The following RBPMS2 variants were observed in gnomAD, a reference collection of about 807,000 sequenced individuals.
RBPMS2 encodes the protein RNA binding protein, mRNA processing factor 2.
Under a neutral mutation model 25.7 loss-of-function variants are expected in RBPMS2, and 14 were observed. That is an observed-to-expected ratio of 0.55 (90% CI 0.36 to 0.85). The LOEUF is 0.85. Among genes scored for constraint, RBPMS2 ranks in the 40% least tolerant of loss-of-function variants. RBPMS2 has a pLI of 0.01. For synonymous variants in RBPMS2, 127 were observed against 115.6 expected (o/e 1.10, Z -0.63); for missense variants, 252 against 283.4 (o/e 0.89, Z 0.80).
Position 64,749,270 on chromosome 15 carries a change from T to G in RBPMS2, c.268-120A>C. 2.2e-6 allele frequency: 3 copies of G among 1,379,496 alleles called. No individual in the cohort carries two copies. In the South Asian group the frequency reaches 3.5e-5, roughly 16 times the overall value. The allele number at this position is 1,379,496 out of a possible 1,614,324, so 85.5% of individuals were successfully genotyped here. A position where few individuals can be genotyped will look rare whatever the true frequency, so the allele number is the denominator to read the frequency against. On this transcript the variant is annotated intron_variant, in intron 4 of 7. Transcript: ENST00000300069. ...CTCGAAGACCTGCCCACACGGTGGC[T>G]GAGGCAGAGGAAAGGCAGCTCAGGC...
chr15:64,744,798 GTTTT>G lies in RBPMS2; in HGVS notation c.568-3560_568-3557del, dbSNP rs748967917. On this transcript the variant is annotated intron_variant, in intron 6 of 7. Transcript: ENST00000300069. Reference sequence around the variant, plus strand: ...TATTTAAGTTTTTTTGGTTTGTTTTGTTTTTTTTTTTTTTTTTTTTTTTTTTTTT... The same window carrying G: ...TATTTAAGTTTTTTTGGTTTGTTTTGTTTTTTTTTTTTTTTTTTTTTTTTT... 1.9e-4 allele frequency among the ~76,000 whole-genome samples: 9 copies of G among 46,298 alleles called. No individual in the cohort carries two copies. In the South Asian group the frequency reaches 6.6e-3, roughly 34 times the overall value. 30.4% of individuals were successfully genotyped at this position (46,298 alleles called of 152,430 possible).
chr15:64,773,760 CA>C (rs1191937130), intron 1 of RBPMS2, among the ~76,000 whole-genome samples: 1 of 151,924 alleles, frequency 6.6e-6, no homozygotes, highest in Non-Finnish European at 1.5e-5. Context: ...AGTTTCAGCC[CA>C]CAGCAGGGGG....
intron 6 of RBPMS2, among the ~76,000 whole-genome samples, chr15:64,741,600 T>A (rs2083562944): frequency 6.6e-6 from 1 of 152,208 alleles, no homozygotes; most frequent in Non-Finnish European, 1.5e-5. Flanking sequence ...ACGGAATTCC[T>A]AATTCTGTGG....
chr15:64,775,333 G>C lies in RBPMS2; in HGVS notation c.-14C>G. On this transcript the variant is annotated 5_prime_UTR_variant, in exon 1 of 8. Transcript: ENST00000300069. ...CAGGTTGCTCATGGTGCGGGGGAGGGGGCGGCGGGAAGGAACGCGAGGGCG... is the reference window on the plus strand; with the variant it reads ...CAGGTTGCTCATGGTGCGGGGGAGGCGGCGGCGGGAAGGAACGCGAGGGCG... The C allele has an allele frequency of 7.9e-7, 1 of 1,273,690 alleles. No individual in the cohort carries two copies. The highest frequency in any genetic ancestry group is 1.0e-6 in the Non-Finnish European group (1 of 1,004,414). The allele number at this position is 1,273,690 out of a possible 1,614,324, so 78.9% of individuals were successfully genotyped here. A position where few individuals can be genotyped will look rare whatever the true frequency, so the allele number is the denominator to read the frequency against.
Position 64,740,903 on chromosome 15 carries a change from C to T in RBPMS2, c.*105G>A, listed in dbSNP as rs1214425890. On this transcript the variant is annotated 3_prime_UTR_variant, in exon 8 of 8. Coordinates refer to ENST00000300069, the MANE Select transcript of RBPMS2 (RefSeq NM_194272.3). ...CTTGGGATTCACAGTCTCTGGAGGGCAGCAGCTCTGTGCAGGCCGCCCGGG... is the reference window on the plus strand; with the variant it reads ...CTTGGGATTCACAGTCTCTGGAGGGTAGCAGCTCTGTGCAGGCCGCCCGGG... 1.6e-5 allele frequency: 6 copies of T among 376,458 alleles called. No homozygotes were observed. In the Admixed American group the frequency reaches 2.6e-4, roughly 16 times the overall value. The allele number at this position is 376,458 out of a possible 1,614,324, so 23.3% of individuals were successfully genotyped here. A position where few individuals can be genotyped will look rare whatever the true frequency, so the allele number is the denominator to read the frequency against.
chr15:64,741,590 A>G (rs1323697960), intron 6 of RBPMS2, among the ~76,000 whole-genome samples: 1 of 152,226 alleles, frequency 6.6e-6, no homozygotes, highest in Non-Finnish European at 1.5e-5. Flanking sequence ...CTGACACAGC[A>G]CGGAATTCCT....
At chr15:64,746,695 C>A (rs950113847) in intron 6 of RBPMS2, among the ~76,000 whole-genome samples, 2 of 152,218 alleles carry the variant, frequency 1.3e-5, no homozygotes, top group Non-Finnish European at 2.9e-5. Context: ...GGTGCCCTCT[C>A]TGATTCATTT....
chr15:64,748,306 A>G, intron 6 of RBPMS2, 113 bp downstream of exon 6: 2 of 1,155,780 alleles, frequency 1.7e-6, no homozygotes, highest in Non-Finnish European at 2.4e-6. Context: ...ATCAAGGAAG[A>G]CAAGAGTTCT....
intron 6 of RBPMS2, among the ~76,000 whole-genome samples, chr15:64,744,579 A>C (rs1198586333): frequency 1.0e-5 from 1 of 97,268 alleles, no homozygotes; most frequent in Admixed American, 1.3e-4. Flanking sequence ...AAAAAGAAAG[A>C]AAGAAAACAA....
At chr15:64,772,458 C>T (rs72744751) in intron 1 of RBPMS2, among the ~76,000 whole-genome samples, 9,813 of 151,934 alleles carry the variant, frequency 0.065, 333 homozygotes, top group South Asian at 0.088. Flanking sequence ...ATCAAAGCTT[C>T]GAACACATCT....
rs539768350 is a variant in RBPMS2, at chr15:64,747,751, A to C, written c.567+668T>G. 8.5e-5 allele frequency among the ~76,000 whole-genome samples: 13 copies of C among 152,290 alleles called. 1 individual carries two copies. Among genetic ancestry groups the C allele is most frequent in the African/African-American group, 3.1e-4 (13 of 41,572 alleles). On this transcript the variant is annotated intron_variant, in intron 6 of 7. Transcript: ENST00000300069. ...CTCCCTGCCTGCCCATTGGGCACCC[A>C]GCCCAGCACCCCACACAGAGCCTTC...
At chr15:64,767,643 G>A (rs940833475) in intron 1 of RBPMS2, among the ~76,000 whole-genome samples, 4 of 152,168 alleles carry the variant, frequency 2.6e-5, no homozygotes, top group Non-Finnish European at 5.9e-5. Flanking sequence ...GACATGGGGA[G>A]GAGGAAGCCA....
intron 6 of RBPMS2, among the ~76,000 whole-genome samples, chr15:64,742,583 A>T (rs1183343557): frequency 6.6e-6 from 1 of 152,194 alleles, no homozygotes; most frequent in Non-Finnish European, 1.5e-5. Flanking sequence ...CCAGTTATGC[A>T]CGGTGAAGCA....
intron 2 of RBPMS2, among the ~76,000 whole-genome samples, chr15:64,750,674 T>C (rs1661920187): frequency 6.6e-6 from 1 of 152,174 alleles, no homozygotes; most frequent in African/African-American, 2.4e-5. Context: ...ACCTTTTAAG[T>C]TTTCTCATCT....
intron 1 of RBPMS2, among the ~76,000 whole-genome samples, chr15:64,773,528 T>C (rs2083906590): frequency 6.6e-6 from 1 of 152,218 alleles, no homozygotes; most frequent in South Asian, 2.1e-4. Context: ...CTGCCCTCTT[T>C]CCCAGAAAAG....
At chr15:64,749,269 C>G in intron 4 of RBPMS2, 119 bp from the exon 5 acceptor site, 2 of 1,385,198 alleles carry the variant, frequency 1.4e-6, no homozygotes, top group Non-Finnish European at 2.0e-6. Flanking sequence ...CACACGGTGG[C>G]TGAGGCAGAG....
intron 6 of RBPMS2, among the ~76,000 whole-genome samples, chr15:64,744,968 C>T (rs1330082865): frequency 6.6e-6 from 1 of 151,506 alleles, no homozygotes; most frequent in Non-Finnish European, 1.5e-5. Flanking sequence ...GTGCCCGCCA[C>T]CACGCCCAGC....
intron 6 of RBPMS2, among the ~76,000 whole-genome samples, chr15:64,747,532 TG>T (rs2083629021): frequency 6.6e-6 from 1 of 152,096 alleles, no homozygotes. Flanking sequence ...AAGGTTGAGG[TG>T]GGCTCAAAAG....
At chr15:64,748,824 T>C (rs1256150676) in intron 5 of RBPMS2, among the ~76,000 whole-genome samples, 176 bp downstream of exon 5, 1 of 152,196 alleles carries the variant, frequency 6.6e-6, no homozygotes, top group Non-Finnish European at 1.5e-5. Flanking sequence ...CTGGAAGCCC[T>C]GGCAGCTCAG....
Sources: allele counts gnomAD v4.1 joint callset (sites outside exome capture counted in the v4.1 genomes callset), GRCh38; gene constraint gnomAD v4.1.1; transcripts MANE v1.5; gene names NCBI Gene and HGNC (gene_info 2026-07-23, HGNC 2026-07-21).